SSBP2: variants seen among roughly 807,000 people sequenced by gnomAD.
SSBP2 encodes the protein single-stranded DNA-binding protein 2.
In SSBP2, 17 loss-of-function variants were observed where a neutral mutation model predicts 61.8. The observed-to-expected ratio is 0.28, with a 90% CI of 0.19 to 0.41. The LOEUF is 0.41. Among genes scored for constraint, SSBP2 ranks in the 10% least tolerant of loss-of-function variants. The pLI is 1.00. For synonymous variants in SSBP2, 139 were observed against 141.3 expected (o/e 0.98, Z 0.12); for missense variants, 310 against 458.7 (o/e 0.68, Z 2.96).
intron 6 of SSBP2, among the ~76,000 whole-genome samples, chr5:81,477,567 A>G (rs894422176): frequency 1.3e-4 from 20 of 152,008 alleles, no homozygotes; most frequent in Non-Finnish European, 2.5e-4. Context: ...CAGTCTCCCA[A>G]CCACACTGGC....
chr5:81,426,556 G>A (rs1761962911), intron 16 of SSBP2, among the ~76,000 whole-genome samples: 1 of 152,240 alleles, frequency 6.6e-6, no homozygotes, highest in Admixed American at 6.5e-5. Flanking sequence ...GGTGGAAGAA[G>A]CCTTGTTCCA....
At chr5:81,576,142 G>A (rs989488112) in intron 4 of SSBP2, among the ~76,000 whole-genome samples, 1 of 151,490 alleles carries the variant, frequency 6.6e-6, no homozygotes, top group Non-Finnish European at 1.5e-5. Context: ...AGACTCCCCA[G>A]TGCCAAGCTG....
chr5:81,420,589 G>T (rs1761539635), intron 16 of SSBP2, 56 bp from the exon 17 acceptor site: 5 of 1,406,898 alleles, frequency 3.6e-6, no homozygotes, highest in Admixed American at 1.7e-5. Context: ...GATCACTAAG[G>T]TTCTTCTTGG....
At chr5:81,673,823 T>C (rs1751767095) in intron 1 of SSBP2, among the ~76,000 whole-genome samples, 1 of 152,192 alleles carries the variant, frequency 6.6e-6, no homozygotes, top group Admixed American at 6.6e-5. Context: ...AACTCAATAC[T>C]ACATACCAAA....
At chr5:81,702,477 T>C (rs1018196626) in intron 1 of SSBP2, among the ~76,000 whole-genome samples, 1 of 152,162 alleles carries the variant, frequency 6.6e-6, no homozygotes, top group African/African-American at 2.4e-5. Context: ...AGGGCTCTCA[T>C]GCAAAGCAAT....
At chr5:81,519,743 T>C (rs1769315779) in intron 4 of SSBP2, among the ~76,000 whole-genome samples, 1 of 152,042 alleles carries the variant, frequency 6.6e-6, no homozygotes, top group Admixed American at 6.6e-5. Context: ...TGGAGCAGAG[T>C]CTGCCCGCCT....
chr5:81,664,662 T>C (rs893619463), intron 1 of SSBP2, among the ~76,000 whole-genome samples: 5 of 152,156 alleles, frequency 3.3e-5, no homozygotes, highest in African/African-American at 1.2e-4. Flanking sequence ...TTCGACAACA[T>C]GGAAGTTACT....
At chr5:81,638,354 TAAATAAAAAATAAA>T (rs148368715) in intron 2 of SSBP2, among the ~76,000 whole-genome samples, 5 of 150,336 alleles carry the variant, frequency 3.3e-5, no homozygotes, top group Admixed American at 3.3e-4. Flanking sequence ...AAAAATAAAA[TAAATAAAAAATAAA>T]AAATAAAAAG....
intron 4 of SSBP2, among the ~76,000 whole-genome samples, chr5:81,529,393 C>T (rs890844007): frequency 3.3e-5 from 5 of 152,156 alleles, no homozygotes; most frequent in Non-Finnish European, 7.4e-5. Flanking sequence ...GAGAAACTTG[C>T]ATATTTATGC....
intron 15 of SSBP2, among the ~76,000 whole-genome samples, chr5:81,429,964 G>C (rs1480249797): frequency 6.6e-6 from 1 of 152,036 alleles, no homozygotes; most frequent in East Asian, 1.9e-4. Flanking sequence ...TACTTTAATA[G>C]CATAAAGAGG....
chr5:81,574,764 C>T (rs981276949), intron 4 of SSBP2, among the ~76,000 whole-genome samples: 5 of 151,668 alleles, frequency 3.3e-5, no homozygotes, highest in Non-Finnish European at 7.4e-5. Flanking sequence ...CAGCAAAAGC[C>T]GGAACACACA....
At chr5:81,437,277 T>G (rs1762732985) in intron 15 of SSBP2, among the ~76,000 whole-genome samples, 153 bp downstream of exon 15, 1 of 152,150 alleles carries the variant, frequency 6.6e-6, no homozygotes, top group African/African-American at 2.4e-5. Flanking sequence ...ATAATATGCA[T>G]TAATATTCTT....
chr5:81,617,744 A>G (rs1746194134), intron 3 of SSBP2, among the ~76,000 whole-genome samples: 1 of 94,428 alleles, frequency 1.1e-5, no homozygotes, highest in Non-Finnish European at 2.1e-5. Context: ...TCAGACTAAC[A>G]GCGGATCTCT....
chr5:81,751,308 T>C (rs1581482006), upstream of SSBP2: 5 of 489,760 alleles, frequency 1.0e-5, no homozygotes, highest in Admixed American at 7.6e-5. Flanking sequence ...CCCTCCCGCC[T>C]TCCCTCTCCG....
intron 5 of SSBP2, among the ~76,000 whole-genome samples, chr5:81,499,601 G>GCTC (rs1767547893): frequency 6.6e-6 from 1 of 152,110 alleles, no homozygotes; most frequent in Admixed American, 6.6e-5. Flanking sequence ...GAGCTACTGT[G>GCTC]CTCCTCTGCT....
Position 81,693,482 on chromosome 5 carries a change from AAAT to A in SSBP2, c.63-43146_63-43144del, listed in dbSNP as rs1287075172. 1.2e-4 allele frequency among the ~76,000 whole-genome samples: 19 copies of A among 152,352 alleles called. No homozygotes were observed. The East Asian group carries it at 3.7e-3, about 29-fold the overall frequency. ...AAGGAGCTCAAACAGCTGTACAGAA[AAAT>A]AATCTAATAATGTGATTATAAAATG... On this transcript the variant is annotated intron_variant, in intron 1 of 16. Transcript: ENST00000320672.
At chr5:81,688,442 A>G (rs1046486618) in intron 1 of SSBP2, among the ~76,000 whole-genome samples, 1 of 152,182 alleles carries the variant, frequency 6.6e-6, no homozygotes, top group African/African-American at 2.4e-5. Context: ...TGGTAGCCAG[A>G]CAGTGGTTAC....
intron 1 of SSBP2, among the ~76,000 whole-genome samples, chr5:81,748,348 A>G (rs576479852): frequency 1.0e-3 from 155 of 152,328 alleles, no homozygotes; most frequent in Non-Finnish European, 1.6e-3. Context: ...TACCTTAAAA[A>G]TTAAGAACAA....
At chr5:81,506,001 G>T (rs1192831238) in intron 5 of SSBP2, among the ~76,000 whole-genome samples, 1 of 152,140 alleles carries the variant, frequency 6.6e-6, no homozygotes, top group African/African-American at 2.4e-5. Context: ...AGGGTCTTTA[G>T]TTGCCTGAAT....
Sources: allele counts gnomAD v4.1 joint callset (sites outside exome capture counted in the v4.1 genomes callset), GRCh38; gene constraint gnomAD v4.1.1; transcripts MANE v1.5; gene names NCBI Gene and HGNC (gene_info 2026-07-23, HGNC 2026-07-21).